STAB2: variants seen among roughly 807,000 people sequenced by gnomAD.
STAB2 encodes stabilin 2, also known as stabilin-2.
In STAB2, 288 loss-of-function variants were observed where a neutral mutation model predicts 338.1. The observed-to-expected ratio is 0.85, with a 90% CI of 0.77 to 0.94. STAB2 has a LOEUF of 0.94. Ranked by LOEUF, STAB2 falls within the 40% of genes least tolerant of loss-of-function variation. The pLI, the probability that STAB2 is intolerant of heterozygous loss-of-function variation, is 0.00. For synonymous variants in STAB2, 1,202 were observed against 1,193.3 expected, an observed-to-expected ratio of 1.01 and a Z score of -0.15; for missense variants, 3,141 against 3,210.1, an observed-to-expected ratio of 0.98 and a Z score of 0.52.
rs938061728 is a variant in STAB2, at chr12:103,729,074, C to T, written c.5082+79C>T. ...GAACCTGGATGGAGCTGGAGGCCAT[C>T]ATCCTCAGCAAACTAATGCAGGAAC... On this transcript the variant is annotated intron_variant, in intron 48 of 68. Coordinates refer to ENST00000388887, the MANE Select transcript of STAB2 (RefSeq NM_017564.10). 6 of 1,405,634 alleles carry T rather than the reference C, an allele frequency of 4.3e-6. No homozygotes were observed. The African/African-American group carries it at 8.5e-5, about 20-fold the overall frequency. The allele number at this position is 1,405,634 out of a possible 1,614,324, so 87.1% of individuals were successfully genotyped here.
At chr12:103,662,761 G>A in intron 17 of STAB2, 85 bp from the exon 18 acceptor site, 1 of 1,504,066 alleles carries the variant, frequency 6.6e-7, no homozygotes, top group Non-Finnish European at 8.9e-7. Context: ...TAGCAAAGTT[G>A]CCACCATTCA....
At chr12:103,741,004 A>G (rs997253111) in intron 55 of STAB2, among the ~76,000 whole-genome samples, 1 of 152,170 alleles carries the variant, frequency 6.6e-6, no homozygotes, top group Non-Finnish European at 1.5e-5. Context: ...ACATTACAGC[A>G]TAGACATTTA....
intron 52 of STAB2, among the ~76,000 whole-genome samples, chr12:103,736,885 G>A (rs1303475269): frequency 6.6e-6 from 1 of 152,106 alleles, no homozygotes; most frequent in African/African-American, 2.4e-5. Context: ...TTGTATATTG[G>A]AAGAATAATG....
intron 4 of STAB2, among the ~76,000 whole-genome samples, chr12:103,621,106 C>CA (rs140972076): frequency 0.012 from 1,677 of 143,216 alleles, 25 homozygotes; most frequent in African/African-American, 0.041. Context: ...CACCCCCACC[C>CA]AAAAAAAAAA....
At chr12:103,729,601 C>T (rs903093939) in intron 48 of STAB2, among the ~76,000 whole-genome samples, 4 of 152,152 alleles carry the variant, frequency 2.6e-5, no homozygotes, top group African/African-American at 9.7e-5. Flanking sequence ...CAAGGTCACA[C>T]AAAGAGCAAA....
intron 68 of STAB2, among the ~76,000 whole-genome samples, chr12:103,765,086 CAAAAAAAAAAAA>C (rs56002429): frequency 9.0e-5 from 6 of 66,548 alleles, no homozygotes; most frequent in East Asian, 3.7e-4. Flanking sequence ...GACTCTGTCT[CAAAAAAAAAAAA>C]AAAAAAAAAA....
chr12:103,740,877 C>A, intron 55 of STAB2, 121 bp downstream of exon 55: 1 of 1,351,552 alleles, frequency 7.4e-7, no homozygotes. Context: ...ATAATGATTC[C>A]CAGACCCCAG....
chr12:103,743,660 G>A (rs749967867), intron 56 of STAB2, among the ~76,000 whole-genome samples: 21 of 152,150 alleles, frequency 1.4e-4, no homozygotes, highest in South Asian at 4.1e-4. Context: ...CACCCAAAAC[G>A]TGTGGCTGAG....
chr12:103,739,572 T>TGTGTGTGCGCGC (rs373686630), intron 54 of STAB2, 104 bp downstream of exon 54: 3 of 735,720 alleles, frequency 4.1e-6, no homozygotes, highest in Non-Finnish European at 3.9e-6. Context: ...TGTGTGTGTG[T>TGTGTGTGCGCGC]GCCCGTGCAC....
chr12:103,600,939 T>G (rs1462329964), intron 3 of STAB2, among the ~76,000 whole-genome samples: 1 of 152,264 alleles, frequency 6.6e-6, no homozygotes, highest in Non-Finnish European at 1.5e-5. Flanking sequence ...GAAGAGAAAT[T>G]ATTGCCAGCT....
intron 13 of STAB2, 31 bp downstream of exon 13, chr12:103,654,729 C>A (rs769502242): frequency 6.2e-7 from 1 of 1,605,960 alleles, no homozygotes; most frequent in Non-Finnish European, 8.5e-7. Flanking sequence ...CACATCAGGC[C>A]AGGTCCATCT....
intron 1 of STAB2, among the ~76,000 whole-genome samples, chr12:103,588,605 C>T (rs1192535663): frequency 2.0e-5 from 3 of 152,114 alleles, no homozygotes; most frequent in Non-Finnish European, 2.9e-5. Context: ...TCAGAGAGGA[C>T]AACTTTGTCA....
chr12:103,686,875 C>T (rs893740908), intron 27 of STAB2, among the ~76,000 whole-genome samples: 1 of 152,160 alleles, frequency 6.6e-6, no homozygotes, highest in African/African-American at 2.4e-5. Flanking sequence ...TCCTCTCTCT[C>T]CTCCCCAACT....
At chr12:103,741,734 C>T (rs1013829066) in intron 55 of STAB2, among the ~76,000 whole-genome samples, 2 of 152,222 alleles carry the variant, frequency 1.3e-5, no homozygotes, top group East Asian at 1.9e-4. Context: ...GGATTACAGG[C>T]GTGAGCCGCC....
At chr12:103,735,360 T>G in intron 51 of STAB2, 131 bp from the exon 52 acceptor site, 1 of 559,086 alleles carries the variant, frequency 1.8e-6, no homozygotes, top group Non-Finnish European at 3.1e-6. Context: ...CTACGGTCAT[T>G]TGTAAAGCTA....
At chr12:103,610,081 C>T (rs568257316) in intron 3 of STAB2, among the ~76,000 whole-genome samples, 3 of 152,114 alleles carry the variant, frequency 2.0e-5, no homozygotes, top group African/African-American at 4.8e-5. Context: ...TTGCTGGATT[C>T]GGTTTTCCAG....
intron 3 of STAB2, among the ~76,000 whole-genome samples, chr12:103,605,394 C>T (rs1044379373): frequency 1.3e-5 from 2 of 148,642 alleles, no homozygotes; most frequent in African/African-American, 5.1e-5. Flanking sequence ...TATTCTGCCA[C>T]CTTTAGATGC....
At position 103,755,478 on chromosome 12, in the gene STAB2, C is replaced by A. The variant is rs1470803477; in HGVS notation, c.6880+11C>A. The A allele has an allele frequency of 6.2e-7, 1 of 1,612,822 alleles. No homozygotes were observed. The highest frequency in any genetic ancestry group is 1.1e-5 in the South Asian group (1 of 90,994). On this transcript the variant is annotated intron_variant, in intron 62 of 68. Transcript: ENST00000388887. ...GCTATCGGATGAAAGGTAACCGCCC[C>A]AGCTACACTTCAGGTTCTGGGCCAC...
At chr12:103,717,206 C>G (rs909697415) in intron 43 of STAB2, among the ~76,000 whole-genome samples, 1 of 152,226 alleles carries the variant, frequency 6.6e-6, no homozygotes, top group Non-Finnish European at 1.5e-5. Context: ...AGACATGGGA[C>G]ATGGGACCTT....
Sources: gnomAD v4.1 joint callset for allele counts (sites outside exome capture counted in the v4.1 genomes callset) on GRCh38, gnomAD v4.1.1 for gene constraint, MANE v1.5 for transcripts, NCBI Gene and HGNC (gene_info 2026-07-23, HGNC 2026-07-21) for gene names.